The following MEDAG variants were observed in gnomAD, a reference collection of about 807,000 sequenced individuals.
The protein encoded by MEDAG is mesenteric estrogen-dependent adipogenesis protein.
A neutral mutation model predicts 29.9 loss-of-function variants in MEDAG; 25 were observed. That is an observed-to-expected ratio of 0.84 (90% CI 0.61 to 1.17). The LOEUF is 1.17. Among genes scored for constraint, MEDAG ranks in the 50% most tolerant of loss-of-function variants. MEDAG has a pLI of 0.00. For missense variants in MEDAG, 398 were observed against 372.9 expected (o/e 1.07, Z -0.56); for synonymous variants, 158 against 148.2 (o/e 1.07, Z -0.48).
At chr13:30,907,210 C>CA (rs969113974) in intron 1 of MEDAG, among the ~76,000 whole-genome samples, 2 of 152,150 alleles carry the variant, frequency 1.3e-5, no homozygotes, top group African/African-American at 2.4e-5. Context: ...GCATGGGTGG[C>CA]GGTGAGGAGC....
In MEDAG at chr13:30,906,883, T is replaced by C. The variant is rs531901687; in HGVS notation, c.278+90T>C. On this transcript the variant is annotated intron_variant, in intron 1 of 4. Transcript: ENST00000380482. ...CGGTCTCTGGGAGCCTGGGCTGTCC[T>C]CGCTGCCTGCGACACCGCGTGGCCC... The C allele has an allele frequency of 1.6e-4, 214 of 1,307,012 alleles. 1 individual carries two copies. In the South Asian group the frequency reaches 3.1e-3, roughly 19 times the overall value. The allele number at this position is 1,307,012 out of a possible 1,614,324, so 81.0% of individuals were successfully genotyped here.
In MEDAG at chr13:30,917,981, T is replaced by A. The variant is rs558986311; in HGVS notation, c.388+469T>A. Among the ~76,000 whole-genome samples, 29 of 152,148 alleles carry A rather than the reference T, an allele frequency of 1.9e-4. No individual in the cohort carries two copies. In the South Asian group the frequency reaches 5.4e-3, roughly 28 times the overall value. ...TGTGGACTGATGAGCAGGGCAGAAA[T>A]CAGCTTGTGACAAGGTAGACAGCAA... On this transcript the variant is annotated intron_variant, in intron 2 of 4. Transcript: ENST00000380482.
At chr13:30,908,352 G>A (rs1029167317) in intron 1 of MEDAG, among the ~76,000 whole-genome samples, 4 of 152,232 alleles carry the variant, frequency 2.6e-5, no homozygotes, top group Non-Finnish European at 5.9e-5. Context: ...TACTGTGAGG[G>A]CTTCTTTTGT....
chr13:30,906,402 C>T lies in MEDAG; in HGVS notation c.-114C>T, dbSNP rs1433467208. 6 of 1,183,352 alleles carry T rather than the reference C, an allele frequency of 5.1e-6. No homozygotes were observed. The highest frequency in any genetic ancestry group is 6.6e-6 in the Non-Finnish European group (6 of 913,230). 73.3% of individuals were successfully genotyped at this position (1,183,352 alleles called of 1,614,324 possible). On this transcript the variant is annotated 5_prime_UTR_variant, in exon 1 of 5. Coordinates refer to ENST00000380482, the MANE Select transcript of MEDAG (RefSeq NM_032849.4). ...GGGCAGACCGACCCCCTCCTCACCT[C>T]GCGCGCGGCTGACGCAGGCAGGGCG...
intron 1 of MEDAG, among the ~76,000 whole-genome samples, chr13:30,910,765 A>C (rs1265323080): frequency 6.6e-6 from 1 of 152,212 alleles, no homozygotes; most frequent in African/African-American, 2.4e-5. Flanking sequence ...GGTGAGGTGA[A>C]GCGGCACTCA....
intron 1 of MEDAG, among the ~76,000 whole-genome samples, chr13:30,912,961 T>A (rs1481031207): frequency 2.0e-5 from 3 of 152,184 alleles, no homozygotes; most frequent in Non-Finnish European, 4.4e-5. Context: ...CTACTATGGG[T>A]TCAAATTCGT....
rs968709420 is a variant in MEDAG, at chr13:30,906,441, G to A, written c.-75G>A. 7.3e-7 allele frequency: 1 copy of A among 1,376,634 alleles called. No homozygotes were observed. The highest frequency in any genetic ancestry group is 1.5e-5 in the African/African-American group (1 of 66,396). The allele number at this position is 1,376,634 out of a possible 1,614,324, so 85.3% of individuals were successfully genotyped here. A position where few individuals can be genotyped will look rare whatever the true frequency, so the allele number is the denominator to read the frequency against. On this transcript the variant is annotated 5_prime_UTR_variant, in exon 1 of 5. Transcript: ENST00000380482. ...GCAGGCAGGGCGCCCGGCCCCTCCTGGGGACCATCAGGTGCCGGCTGGGGG... is the reference window on the plus strand; with the variant it reads ...GCAGGCAGGGCGCCCGGCCCCTCCTAGGGACCATCAGGTGCCGGCTGGGGG...
chr13:30,912,606 GA>G (rs2138118126), intron 1 of MEDAG, among the ~76,000 whole-genome samples: 1 of 152,282 alleles, frequency 6.6e-6, no homozygotes, highest in East Asian at 1.9e-4. Flanking sequence ...AGAGCCAAGG[GA>G]AATTTGGGGC....
intron 4 of MEDAG, among the ~76,000 whole-genome samples, chr13:30,923,898 G>T (rs1474956514): frequency 6.6e-6 from 1 of 152,172 alleles, no homozygotes; most frequent in Non-Finnish European, 1.5e-5. Flanking sequence ...ATCATGCACT[G>T]CAGGACAGCA....
chr13:30,920,776 T>C (rs192000344), intron 2 of MEDAG, among the ~76,000 whole-genome samples: 47 of 152,282 alleles, frequency 3.1e-4, no homozygotes, highest in Non-Finnish European at 5.4e-4. Context: ...TTGTGGGAGC[T>C]GATTATCTAG....
At chr13:30,919,383 T>C (rs1952960135) in intron 2 of MEDAG, among the ~76,000 whole-genome samples, 1 of 149,238 alleles carries the variant, frequency 6.7e-6, no homozygotes, top group African/African-American at 2.5e-5. Context: ...AAATAATGTC[T>C]GTAAATGTGA....
chr13:30,910,579 C>T (rs1952873074), intron 1 of MEDAG, among the ~76,000 whole-genome samples: 1 of 152,210 alleles, frequency 6.6e-6, no homozygotes, highest in Admixed American at 6.5e-5. Context: ...CTTGCTTTCT[C>T]ACTCATTTCC....
At chr13:30,909,397 G>A (rs1277751688) in intron 1 of MEDAG, among the ~76,000 whole-genome samples, 1 of 152,112 alleles carries the variant, frequency 6.6e-6, no homozygotes, top group Non-Finnish European at 1.5e-5. Flanking sequence ...GGAGCCTAGA[G>A]TGGATGGACT....
intron 2 of MEDAG, 126 bp from the exon 3 acceptor site, chr13:30,920,888 G>A (rs899425548): frequency 8.2e-6 from 6 of 731,770 alleles, no homozygotes; most frequent in African/African-American, 1.8e-5. Flanking sequence ...TGAGGGAGCA[G>A]AGAGGAAGGT....
chr13:30,915,473 G>A (rs1275089892), intron 1 of MEDAG, among the ~76,000 whole-genome samples: 5 of 152,074 alleles, frequency 3.3e-5, no homozygotes, highest in African/African-American at 7.2e-5. Flanking sequence ...CCTGGTGCCC[G>A]GCTCATCAGC....
chr13:30,915,955 C>A (rs1383215932), intron 1 of MEDAG: 1 of 152,162 alleles, frequency 6.6e-6, no homozygotes, highest in Non-Finnish European at 1.5e-5. Flanking sequence ...CCCTCCCTAC[C>A]CCAGGAACAG....
chr13:30,925,553 A>C lies in MEDAG; in HGVS notation c.*1118A>C, dbSNP rs1383814340. On this transcript the variant is annotated 3_prime_UTR_variant, in exon 5 of 5. Transcript: ENST00000380482. ...TTAGCATTCAACCTAGAATTGATTA[A>C]ATTTATGACTGAGGCTTCATGTGAG... 1 of 152,320 alleles carries C rather than the reference A, an allele frequency of 6.6e-6. No homozygotes were observed. Among genetic ancestry groups the C allele is most frequent in the East Asian group, 1.9e-4 (1 of 5,188 alleles). 9.4% of individuals were successfully genotyped at this position (152,320 alleles called of 1,614,324 possible). A position where few individuals can be genotyped will look rare whatever the true frequency, so the allele number is the denominator to read the frequency against.
intron 4 of MEDAG, 55 bp from the exon 5 acceptor site, chr13:30,924,256 G>GTT: frequency 2.7e-6 from 4 of 1,488,290 alleles, no homozygotes; most frequent in Non-Finnish European, 2.7e-6. Flanking sequence ...GGCACTGTTG[G>GTT]TTTTTTTTTC....
rs752208437 is a variant in MEDAG at position 30,906,709 on chromosome 13, C to T, written c.194C>T (p.Ala65Val). 30 of 1,516,590 alleles carry T rather than the reference C, an allele frequency of 2.0e-5. No homozygotes were observed. Among genetic ancestry groups the T allele is most frequent in the South Asian group, 3.8e-5 (3 of 79,710 alleles). The allele number at this position is 1,516,590 out of a possible 1,614,324, so 93.9% of individuals were successfully genotyped here. The change falls in exon 1 of 5, where the codon GCG becomes GTG. Residue 65 changes from alanine (A) to valine (V), a missense_variant. Ala to Val is a moderately conservative substitution (Grantham distance 64). Transcript: ENST00000380482. ...LVVARPGEPA[A>V]ARGGFNVFGD... ...GTGGCCAGGCCCGGGGAGCCGGCGG[C>T]GGCGCGGGGGGGCTTCAACGTCTTC...
Sources: allele counts gnomAD v4.1 joint callset (sites outside exome capture counted in the v4.1 genomes callset), GRCh38; gene constraint gnomAD v4.1.1; transcripts MANE v1.5; gene names NCBI Gene and HGNC (gene_info 2026-07-23, HGNC 2026-07-21).